The following DENND5B variants were observed in gnomAD, a reference collection of about 807,000 sequenced individuals.
DENND5B encodes DENN domain-containing protein 5B.
In DENND5B, 34 loss-of-function variants were observed where a neutral mutation model predicts 140.6. The observed-to-expected ratio is 0.24, with a 90% CI of 0.18 to 0.32. The LOEUF (loss-of-function observed/expected upper bound fraction) is 0.32, where lower values mean the gene tolerates loss of function less well. Ranked by LOEUF, DENND5B falls within the 10% of genes least tolerant of loss-of-function variation. The probability of loss-of-function intolerance (pLI) is 1.00; values close to 1 mark genes in which losing one functional copy is unlikely to be tolerated. For missense variants in DENND5B, 1,142 were observed against 1,560.2 expected (o/e 0.73, Z 4.52); for synonymous variants, 551 against 562.1 (o/e 0.98, Z 0.28).
At chr12:31,518,305 C>CT (rs1947748310) in intron 1 of DENND5B, among the ~76,000 whole-genome samples, 1 of 152,072 alleles carries the variant, frequency 6.6e-6, no homozygotes, top group Admixed American at 6.6e-5. Context: ...CAGTCCCTCT[C>CT]CCTCTCTCAT....
At chr12:31,462,486 G>GCCCCCGTTT (rs1193444910) in intron 3 of DENND5B, among the ~76,000 whole-genome samples, 1 of 152,014 alleles carries the variant, frequency 6.6e-6, no homozygotes, top group Non-Finnish European at 1.5e-5. Context: ...ATGGCACTTG[G>GCCCCCGTTT]CCCCCGTACT....
At chr12:31,469,074 G>T (rs1945417213) in intron 3 of DENND5B, among the ~76,000 whole-genome samples, 1 of 152,144 alleles carries the variant, frequency 6.6e-6, no homozygotes, top group East Asian at 1.9e-4. Context: ...ATTGCCTCAG[G>T]TCTGTAATCC....
chr12:31,390,230 T>C (rs766814933), intron 19 of DENND5B, among the ~76,000 whole-genome samples: 1 of 152,240 alleles, frequency 6.6e-6, no homozygotes, highest in Admixed American at 6.5e-5. Flanking sequence ...CCTGTGATGA[T>C]GAAAATGTTC....
intron 1 of DENND5B, among the ~76,000 whole-genome samples, chr12:31,561,458 A>AAAT (rs138596883): frequency 6.6e-6 from 1 of 152,266 alleles, no homozygotes; most frequent in South Asian, 2.1e-4. Context: ...ACCCTGTCTC[A>AAAT]AATAATAATA....
chr12:31,449,758 G>A (rs1465150537), intron 5 of DENND5B, among the ~76,000 whole-genome samples: 1 of 70,258 alleles, frequency 1.4e-5, no homozygotes, highest in African/African-American at 4.3e-5. Context: ...TTGAGACAGA[G>A]TCTCGCTGTC....
chr12:31,393,833 G>A (rs1565535689), intron 17 of DENND5B, among the ~76,000 whole-genome samples: 2 of 152,056 alleles, frequency 1.3e-5, no homozygotes, highest in Non-Finnish European at 2.9e-5. Context: ...GACTACAGGT[G>A]CCGGCCACCA....
chr12:31,486,488 C>G (rs1946313580), intron 2 of DENND5B, among the ~76,000 whole-genome samples: 2 of 152,230 alleles, frequency 1.3e-5, no homozygotes, highest in African/African-American at 4.8e-5. Flanking sequence ...CAAATACAAT[C>G]TGCCACCTGA....
Position 31,424,516 on chromosome 12 carries a change from G to A in DENND5B, c.2391+19C>T, listed in dbSNP as rs1943152527. 6.2e-7 allele frequency: 1 copy of A among 1,604,874 alleles called. No individual in the cohort carries two copies. Among genetic ancestry groups the A allele is most frequent in the South Asian group, 1.1e-5 (1 of 89,368 alleles). ...GGCTCTTAACTGGCCATGTCACCAG[G>A]ACCTCCTAAAACTGTTACCTGCTTG... is the stretch of plus-strand genomic sequence containing the variant. On this transcript the variant is annotated intron_variant, in intron 10 of 20. Coordinates refer to ENST00000389082, the MANE Select transcript of DENND5B (RefSeq NM_144973.4).
chr12:31,488,033 G>GCAA (rs1332839868), intron 2 of DENND5B, among the ~76,000 whole-genome samples: 2 of 152,034 alleles, frequency 1.3e-5, no homozygotes, highest in Non-Finnish European at 2.9e-5. Flanking sequence ...TCAGCTTACT[G>GCAA]CAACCTCCAC....
At chr12:31,404,112 C>T (rs1255402989) in intron 14 of DENND5B, among the ~76,000 whole-genome samples, 1 of 151,816 alleles carries the variant, frequency 6.6e-6, no homozygotes, top group Non-Finnish European at 1.5e-5. Flanking sequence ...GTAGTCCCAG[C>T]TACTCAGGAG....
intron 11 of DENND5B, among the ~76,000 whole-genome samples, chr12:31,417,316 C>T (rs535441314): frequency 7.0e-6 from 1 of 142,528 alleles, no homozygotes; most frequent in African/African-American, 2.7e-5. Context: ...AAGATCATGC[C>T]ACTGCACTCC....
intron 19 of DENND5B, 125 bp downstream of exon 19, chr12:31,392,138 CAAAA>C (rs879273266): frequency 1.1e-5 from 8 of 716,716 alleles, no homozygotes; most frequent in Admixed American, 4.8e-5. Flanking sequence ...GATTCCGTCT[CAAAA>C]AAAAAAAAAG....
chr12:31,493,840 C>T (rs1253088731), intron 2 of DENND5B, among the ~76,000 whole-genome samples: 1 of 152,052 alleles, frequency 6.6e-6, no homozygotes, highest in African/African-American at 2.4e-5. Context: ...AAAACAAAAA[C>T]AAAAACCAAA....
intron 1 of DENND5B, among the ~76,000 whole-genome samples, chr12:31,504,966 A>G (rs758447701): frequency 2.6e-5 from 4 of 152,188 alleles, no homozygotes; most frequent in Non-Finnish European, 4.4e-5. Flanking sequence ...ATCTTTGTGA[A>G]GTAGAGTGCC....
At chr12:31,440,809 T>G (rs1286979900) in intron 7 of DENND5B, among the ~76,000 whole-genome samples, 2 of 152,074 alleles carry the variant, frequency 1.3e-5, no homozygotes, top group Non-Finnish European at 2.9e-5. Context: ...GGACTATAGT[T>G]GCATGCCTGA....
chr12:31,434,215 C>T (rs1388109347), intron 7 of DENND5B, among the ~76,000 whole-genome samples: 2 of 152,088 alleles, frequency 1.3e-5, no homozygotes, highest in Non-Finnish European at 2.9e-5. Flanking sequence ...AGCTCTTTTC[C>T]AAGGCCTATA....
intron 1 of DENND5B, among the ~76,000 whole-genome samples, chr12:31,551,616 T>C (rs1217781847): frequency 6.6e-6 from 1 of 152,224 alleles, no homozygotes; most frequent in Non-Finnish European, 1.5e-5. Flanking sequence ...CATTGGTTGC[T>C]TGATGGGGAT....
chr12:31,501,319 T>G (rs1222497126), intron 1 of DENND5B, among the ~76,000 whole-genome samples: 1 of 152,136 alleles, frequency 6.6e-6, no homozygotes, highest in Non-Finnish European at 1.5e-5. Context: ...TGTGTTTACT[T>G]CCCCTTCCGC....
intron 15 of DENND5B, among the ~76,000 whole-genome samples, chr12:31,401,386 C>T (rs1236324749): frequency 6.6e-6 from 1 of 152,110 alleles, no homozygotes; most frequent in Non-Finnish European, 1.5e-5. Flanking sequence ...GAGTCTACTG[C>T]ATGGATAAGG....
Sources: allele counts gnomAD v4.1 joint callset (sites outside exome capture counted in the v4.1 genomes callset), GRCh38; gene constraint gnomAD v4.1.1; transcripts MANE v1.5; gene names NCBI Gene and HGNC (gene_info 2026-07-23, HGNC 2026-07-21).